Variants in CAVIN1 observed in about 807,000 individuals in gnomAD.
The protein encoded by CAVIN1 is caveolae-associated protein 1.
A neutral mutation model predicts 24.0 loss-of-function variants in CAVIN1; 16 were observed. The observed-to-expected ratio is 0.67, with a 90% CI of 0.45 to 1.01. CAVIN1 has a LOEUF of 1.01. CAVIN1 is among the 50% of genes least tolerant of loss of function. The probability of loss-of-function intolerance (pLI) is 0.00; values close to 1 mark genes in which losing one functional copy is unlikely to be tolerated. For synonymous variants in CAVIN1, 256 were observed against 256.4 expected (o/e 1.00, Z 0.02); for missense variants, 510 against 551.7 (o/e 0.92, Z 0.76).
At chr17:42,416,972 TA>T (rs1490851300) in intron 1 of CAVIN1, among the ~76,000 whole-genome samples, 8 of 152,288 alleles carry the variant, frequency 5.3e-5, no homozygotes, top group African/African-American at 1.9e-4. Context: ...ATGAGACACC[TA>T]ATCCCTTAAA....
intron 1 of CAVIN1, among the ~76,000 whole-genome samples, chr17:42,405,621 C>T (rs977812880): frequency 3.3e-5 from 5 of 151,034 alleles, no homozygotes; most frequent in Admixed American, 2.0e-4. Flanking sequence ...GCCTGGGCAA[C>T]ATATCACCCA....
Position 42,412,685 on chromosome 17 carries a change from T to G in CAVIN1, c.472-7297A>C, listed in dbSNP as rs985771457. Among the ~76,000 whole-genome samples the G allele has an allele frequency of 3.3e-5, 5 of 152,040 alleles. No homozygotes were observed. The East Asian group carries it at 9.7e-4, about 29-fold the overall frequency. On this transcript the variant is annotated intron_variant, in intron 1 of 1. Coordinates refer to ENST00000357037, the MANE Select transcript of CAVIN1 (RefSeq NM_012232.6). ...CAGGCTGGAGTGCAGTGGCACGATC[T>G]TGGCTCACTGCAACCTCCACCTCCC...
At chr17:42,411,936 G>C in intron 1 of CAVIN1, 1 of 985,324 alleles carries the variant, frequency 1.0e-6, no homozygotes, top group Non-Finnish European at 1.2e-6. Context: ...GTCCACAGTG[G>C]GCAGTGACTG....
At position 42,411,207 on chromosome 17, in the gene CAVIN1, A is replaced by AAAAAAAAAAAAAAAAAAAAAC. The variant is rs758609413; in HGVS notation, c.472-5820_472-5819insGTTTTTTTTTTTTTTTTTTTT. Among the ~76,000 whole-genome samples, 198 of 127,498 alleles carry AAAAAAAAAAAAAAAAAAAAAC rather than the reference A, an allele frequency of 1.6e-3. 19 individuals are homozygous for AAAAAAAAAAAAAAAAAAAAAC. The highest frequency in any genetic ancestry group is 7.6e-3 in the East Asian group (24 of 3,146). The allele number at this position is 127,498 out of a possible 152,430, so 83.6% of individuals were successfully genotyped here. A position where few individuals can be genotyped will look rare whatever the true frequency, so the allele number is the denominator to read the frequency against. On this transcript the variant is annotated intron_variant, in intron 1 of 1. Transcript: ENST00000357037. ...GACTATGTCTCAAAAAAAAAAAAAA[A>AAAAAAAAAAAAAAAAAAAAAC]AACTAAAAGGTCTGTATATGGGAGT... is the stretch of plus-strand genomic sequence containing the variant.
At position 42,405,266 on chromosome 17, in the gene CAVIN1, C is replaced by A; in HGVS notation, c.594G>T (p.Ala198=). 1 of 1,613,206 alleles carries A rather than the reference C, an allele frequency of 6.2e-7. No homozygotes were observed. The highest frequency in any genetic ancestry group is 8.5e-7 in the Non-Finnish European group (1 of 1,179,962). The change falls in exon 2 of 2, where the codon GCG becomes GCT. Residue 198 remains alanine (A), a synonymous_variant. Coordinates refer to ENST00000357037, the MANE Select transcript of CAVIN1 (RefSeq NM_012232.6). ...EGERPEEDAA[A]LELSSDEAVE... is the part of the protein sequence containing the mutation. ...CCGCCTCGTCCGACGAAAGCTCCAG[C>A]GCCGCTGCGTCCTCCTCGGGCCGCT...
intron 1 of CAVIN1, among the ~76,000 whole-genome samples, chr17:42,405,984 G>A (rs1271109794): frequency 6.6e-6 from 1 of 152,180 alleles, no homozygotes; most frequent in Admixed American, 6.5e-5. Flanking sequence ...ACTGCGCCCG[G>A]CCTCGCGCCG....
At chr17:42,408,475 G>A (rs527582617) in intron 1 of CAVIN1, among the ~76,000 whole-genome samples, 2 of 122,818 alleles carry the variant, frequency 1.6e-5, no homozygotes, top group East Asian at 5.1e-4. Flanking sequence ...CTAGTGAGAG[G>A]AGGTTTTTGT....
In CAVIN1 at chr17:42,404,682, G is replaced by A. The variant is rs2085430742; in HGVS notation, c.*5C>T. ...AGGAATGGGGTGGGTGGCAGCGGGG[G>A]CGGCTCAGTCGCTGTCGCTCTTGTC... On this transcript the variant is annotated 3_prime_UTR_variant, in exon 2 of 2. Transcript: ENST00000357037. 4.2e-6 allele frequency: 6 copies of A among 1,444,790 alleles called. No homozygotes were observed. The highest frequency in any genetic ancestry group is 4.5e-6 in the Non-Finnish European group (5 of 1,102,824). 89.5% of individuals were successfully genotyped at this position (1,444,790 alleles called of 1,614,324 possible). A position where few individuals can be genotyped will look rare whatever the true frequency, so the allele number is the denominator to read the frequency against.
intron 1 of CAVIN1, among the ~76,000 whole-genome samples, chr17:42,409,619 C>T (rs950664018): frequency 6.6e-6 from 1 of 152,072 alleles, no homozygotes; most frequent in Non-Finnish European, 1.5e-5. Flanking sequence ...TCACCATTAG[C>T]TTTTCCTCTC....
Position 42,405,152 on chromosome 17 carries a change from G to T in CAVIN1, c.708C>A (p.Phe236Leu). Reference sequence around the variant, plus strand: ...TGGTCTTCTCCATCTTCTCCTTGGAGAAGGCCTTCTTGAAGTCGTCCACGC... The same window carrying T: ...TGGTCTTCTCCATCTTCTCCTTGGATAAGGCCTTCTTGAAGTCGTCCACGC... ...LRRVDDFKKA[F>L]SKEKMEKTKV... Residue 236 changes from phenylalanine to leucine, a missense_variant, in exon 2 of 2, where the codon TTC becomes TTA. Coordinates refer to ENST00000357037, the MANE Select transcript of CAVIN1 (RefSeq NM_012232.6). 6.2e-7 allele frequency: 1 copy of T among 1,613,558 alleles called. No individual in the cohort carries two copies. The highest frequency in any genetic ancestry group is 8.5e-7 in the Non-Finnish European group (1 of 1,179,880).
intron 1 of CAVIN1, among the ~76,000 whole-genome samples, chr17:42,413,024 T>C (rs972164647): frequency 6.0e-5 from 9 of 150,376 alleles, no homozygotes; most frequent in Admixed American, 2.0e-4. Context: ...CTCCGCCTCC[T>C]GGGTTCAAGC....
chr17:42,407,772 C>G (rs1437173370), intron 1 of CAVIN1, among the ~76,000 whole-genome samples: 1 of 152,166 alleles, frequency 6.6e-6, no homozygotes, highest in Non-Finnish European at 1.5e-5. Flanking sequence ...AATCCTAGGG[C>G]ATTTTGTTTA....
chr17:42,403,046 G>A lies in CAVIN1; in HGVS notation c.*1641C>T, dbSNP rs1412741542. 6.6e-6 allele frequency: 1 copy of A among 152,356 alleles called. No individual in the cohort carries two copies. Among genetic ancestry groups the A allele is most frequent in the African/African-American group, 2.4e-5 (1 of 41,466 alleles). 9.4% of individuals were successfully genotyped at this position (152,356 alleles called of 1,614,324 possible). A position where few individuals can be genotyped will look rare whatever the true frequency, so the allele number is the denominator to read the frequency against. On this transcript the variant is annotated 3_prime_UTR_variant, in exon 2 of 2. Transcript: ENST00000357037. ...CAATGAGGTCTGGGCTAGCTCTGCA[G>A]CTTTAGGATACTAGCTCTAGGGAAG...
At chr17:42,421,879 C>A (rs1039988492) in intron 1 of CAVIN1, among the ~76,000 whole-genome samples, 1 of 152,094 alleles carries the variant, frequency 6.6e-6, no homozygotes. Flanking sequence ...TCCACCAGCC[C>A]CTCTTGCACT....
At chr17:42,405,996 C>T (rs1052705223) in intron 1 of CAVIN1, among the ~76,000 whole-genome samples, 1 of 152,188 alleles carries the variant, frequency 6.6e-6, no homozygotes, top group African/African-American at 2.4e-5. Flanking sequence ...CTCGCGCCGC[C>T]ATTCTCTAAA....
rs1002960308 is a variant in CAVIN1 at position 42,411,775 on chromosome 17, G to A, written c.472-6387C>T. The A allele has an allele frequency of 4.3e-5, 42 of 985,408 alleles. No individual in the cohort carries two copies. The East Asian group carries it at 1.4e-3, about 32-fold the overall frequency. The allele number at this position is 985,408 out of a possible 1,614,324, so 61.0% of individuals were successfully genotyped here. On this transcript the variant is annotated intron_variant, in intron 1 of 1. Coordinates refer to ENST00000357037, the MANE Select transcript of CAVIN1 (RefSeq NM_012232.6). ...TGCGCCTTCATGCTAGGCAGCCTTC[G>A]GGTGCAGCTTAAGTGTGGGGGAGCA...
intron 1 of CAVIN1, among the ~76,000 whole-genome samples, chr17:42,419,872 T>C (rs1196590557): frequency 1.4e-5 from 2 of 146,514 alleles, no homozygotes; most frequent in African/African-American, 5.2e-5. Flanking sequence ...GGGTGGGAGG[T>C]GCTGAATTTC....
chr17:42,409,344 C>T (rs949129812), intron 1 of CAVIN1, among the ~76,000 whole-genome samples: 2 of 150,988 alleles, frequency 1.3e-5, no homozygotes, highest in Admixed American at 6.6e-5. Flanking sequence ...CAAGTGATCC[C>T]CTTGCCTCGG....
In CAVIN1 at chr17:42,422,947, C is replaced by T. The variant is rs1426032452; in HGVS notation, c.151G>A (p.Gly51Ser). 1 of 1,614,054 alleles carries T rather than the reference C, an allele frequency of 6.2e-7. No individual in the cohort carries two copies. Among genetic ancestry groups the T allele is most frequent in the East Asian group, 2.2e-5 (1 of 44,884 alleles). ...EELIKSDQVN[G>S]VLVLSLLDKI... ...TCCAGGAGGCTCAGCACCAGCACGC[C>T]GTTCACCTGGTCCGACTTGATCAGC... Residue 51 changes from glycine (G) to serine (S), a missense_variant, in exon 1 of 2, where the codon GGC becomes AGC. Gly to Ser is a moderately conservative substitution (Grantham distance 56). Transcript: ENST00000357037.
Sources: allele counts gnomAD v4.1 joint callset (sites outside exome capture counted in the v4.1 genomes callset), GRCh38; gene constraint gnomAD v4.1.1; transcripts MANE v1.5; gene names NCBI Gene and HGNC (gene_info 2026-07-23, HGNC 2026-07-21).